Variants in AARS1 observed in about 807,000 individuals in gnomAD.
AARS1 encodes the protein alanine--tRNA ligase, cytoplasmic.
In AARS1, 72 loss-of-function variants were observed where a neutral mutation model predicts 108.9. That is an observed-to-expected ratio of 0.66 (90% CI 0.55 to 0.80). AARS1 has a LOEUF of 0.80. Ranked by LOEUF, AARS1 falls within the 30% of genes least tolerant of loss-of-function variation. The probability of loss-of-function intolerance (pLI) is 0.00; values close to 1 mark genes in which losing one functional copy is unlikely to be tolerated. For missense variants in AARS1, 1,193 were observed against 1,233.2 expected, an observed-to-expected ratio of 0.97 and a Z score of 0.49; for synonymous variants, 489 against 465.7, an observed-to-expected ratio of 1.05 and a Z score of -0.64.
intron 1 of AARS1, among the ~76,000 whole-genome samples, chr16:70,283,816 A>C (rs1255219643): frequency 6.6e-6 from 1 of 152,164 alleles, no homozygotes; most frequent in East Asian, 1.9e-4. Flanking sequence ...CCATTAGATT[A>C]CCAGGGAGTG....
chr16:70,277,045 A>G lies in AARS1; in HGVS notation c.254T>C (p.Leu85Pro). Residue 85 changes from leucine (L) to proline (P), a missense_variant, in exon 3 of 21, where the codon CTG becomes CCG. Physicochemically the swap from Leu to Pro is moderately conservative, Grantham distance 98. Transcript: ENST00000261772. ...CIRAGGKHND[L>P]DDVGKDVYHH... ...ATAGACATCCTTGCCCACATCGTCC[A>G]GGTCATTATGTTTGCCCCCAGCCCG... 6.2e-7 allele frequency: 1 copy of G among 1,614,188 alleles called. No individual in the cohort carries two copies. Among genetic ancestry groups the G allele is most frequent in the Non-Finnish European group, 8.5e-7 (1 of 1,180,046 alleles).
chr16:70,287,523 A>G (rs1285539346), intron 1 of AARS1, among the ~76,000 whole-genome samples: 1 of 150,914 alleles, frequency 6.6e-6, no homozygotes, highest in African/African-American at 2.4e-5. Flanking sequence ...GGATTGCTTG[A>G]GGCCAGGAAT....
intron 11 of AARS1, among the ~76,000 whole-genome samples, chr16:70,263,429 G>A (rs906329084): frequency 1.3e-5 from 2 of 152,040 alleles, no homozygotes; most frequent in Non-Finnish European, 2.9e-5. Context: ...AAATTAGCCA[G>A]GTGTGGTGGC....
intron 15 of AARS1, among the ~76,000 whole-genome samples, chr16:70,256,869 C>A (rs1960004719): frequency 6.6e-6 from 1 of 151,820 alleles, no homozygotes. Flanking sequence ...AATCTCAGCA[C>A]TTTGGGAGGC....
At chr16:70,253,182 T>A (rs927419172) in intron 20 of AARS1, 86 bp downstream of exon 20, 83 of 1,174,998 alleles carry the variant, frequency 7.1e-5, no homozygotes, top group Admixed American at 2.9e-4. Context: ...GCAGAAAGGC[T>A]GTTTCGAATG....
chr16:70,287,858 C>T (rs1171856410), intron 1 of AARS1, among the ~76,000 whole-genome samples: 2 of 152,092 alleles, frequency 1.3e-5, no homozygotes, highest in African/African-American at 4.8e-5. Context: ...CTCCACCTCC[C>T]GGCTTCAAGC....
intron 1 of AARS1, among the ~76,000 whole-genome samples, chr16:70,289,067 A>T (rs1401159841): frequency 6.6e-6 from 1 of 152,070 alleles, no homozygotes; most frequent in Non-Finnish European, 1.5e-5. Context: ...CTGTTTAGTT[A>T]ATTTTAAGAA....
At position 70,259,010 on chromosome 16, in the gene AARS1, C is replaced by T. The variant is rs1291557995; in HGVS notation, c.1962G>A (p.Glu654=). ...CTGCCTCAATCATCTCATTAGCAAT[C>T]TCTTCAGCCTTCTTGATCTGTTGGG... The part of the protein sequence containing the change: ...MSTQQIKKAE[E]IANEMIEAAK... Residue 654 remains glutamate, a synonymous_variant, in exon 14 of 21, where the codon GAG becomes GAA. Transcript: ENST00000261772. 1 of 1,614,116 alleles carries T rather than the reference C, an allele frequency of 6.2e-7. No homozygotes were observed. Among genetic ancestry groups the T allele is most frequent in the African/African-American group, 1.3e-5 (1 of 74,948 alleles).
At chr16:70,272,341 C>G (rs1402134720) in intron 4 of AARS1, among the ~76,000 whole-genome samples, 1 of 151,330 alleles carries the variant, frequency 6.6e-6, no homozygotes, top group Admixed American at 6.6e-5. Context: ...CTTGTCTCTA[C>G]TAAAAATACA....
chr16:70,259,624 A>G (rs1960085911), intron 13 of AARS1, among the ~76,000 whole-genome samples: 1 of 152,054 alleles, frequency 6.6e-6, no homozygotes, highest in South Asian at 2.1e-4. Flanking sequence ...CTGGGACTAC[A>G]GGCACACACC....
chr16:70,252,633 A>T lies in AARS1; in HGVS notation c.*88T>A. On this transcript the variant is annotated 3_prime_UTR_variant, in exon 21 of 21. Coordinates refer to ENST00000261772, the MANE Select transcript of AARS1 (RefSeq NM_001605.3). Reference sequence around the variant, plus strand: ...ACTGCTGGGTTAGGAGGGGCTCTTTAAAGGTCCCAAGATTCAAATGTTCTT... The same window carrying T: ...ACTGCTGGGTTAGGAGGGGCTCTTTTAAGGTCCCAAGATTCAAATGTTCTT... 6.7e-7 allele frequency: 1 copy of T among 1,482,590 alleles called. No individual in the cohort carries two copies. Among genetic ancestry groups the T allele is most frequent in the Non-Finnish European group, 9.4e-7 (1 of 1,067,698 alleles). 91.8% of individuals were successfully genotyped at this position (1,482,590 alleles called of 1,614,324 possible).
chr16:70,285,853 C>A (rs921495271), intron 1 of AARS1, among the ~76,000 whole-genome samples: 1 of 152,192 alleles, frequency 6.6e-6, no homozygotes, highest in African/African-American at 2.4e-5. Flanking sequence ...AGCCACCATG[C>A]CCAGCCAAAG....
rs371595834 is a variant in AARS1, at chr16:70,271,855, G to A, written c.597C>T (p.Asp199=). 4.7e-5 allele frequency: 76 copies of A among 1,613,892 alleles called. No individual in the cohort carries two copies. Among genetic ancestry groups the A allele is most frequent in the South Asian group, 6.6e-5 (6 of 91,076 alleles). Residue 199 remains aspartate (D), a synonymous_variant, in exon 5 of 21, where the codon GAC becomes GAT. Coordinates refer to ENST00000261772, the MANE Select transcript of AARS1 (RefSeq NM_001605.3). ...CGTCCTGGTTGACAAGATGTGCGGC[G>A]TCCCGACCACCAATCCGGTCGTAGT... ...EIHYDRIGGR[D]AAHLVNQDDP...
At chr16:70,274,637 T>A (rs912371940) in intron 4 of AARS1, among the ~76,000 whole-genome samples, 2 of 151,364 alleles carry the variant, frequency 1.3e-5, no homozygotes, top group Admixed American at 6.6e-5. Flanking sequence ...GGCAGGAGAA[T>A]TGCTTGAACC....
rs199997425 is a variant in AARS1, at chr16:70,271,955, A to C, written c.497T>G (p.Ile166Ser). The C allele has an allele frequency of 1.3e-4, 214 of 1,613,838 alleles. No homozygotes were observed. Among genetic ancestry groups the C allele is most frequent in the Non-Finnish European group, 1.7e-4 (203 of 1,180,006 alleles). ...GTTATCCTTCATGTTGCCTGGGAGG[A>C]TTTTGGTGTCATCCAGCCTGACAAA... The part of the protein sequence containing the change: ...WQNLGLDDTK[I>S]LPGNMKDNFW... The change falls in exon 5 of 21, where the codon ATC becomes AGC. Residue 166 changes from isoleucine (I) to serine (S), a missense_variant. By Grantham distance (142) the Ile-to-Ser change is moderately radical (BLOSUM62 -2). Transcript: ENST00000261772.
chr16:70,277,655 T>C (rs1960581659), intron 2 of AARS1, among the ~76,000 whole-genome samples: 1 of 152,176 alleles, frequency 6.6e-6, no homozygotes, highest in Non-Finnish European at 1.5e-5. Flanking sequence ...TGAGGATGTA[T>C]CAGGTCATGC....
In AARS1 at chr16:70,269,348, A is replaced by C. The variant is rs1410777419; in HGVS notation, c.962+270T>G. On this transcript the variant is annotated intron_variant, in intron 7 of 20. Coordinates refer to ENST00000261772, the MANE Select transcript of AARS1 (RefSeq NM_001605.3). ...AAAAAAAAAAAAAAAAAAAAAAAAA[A>C]AAAAAAAAAAAACAACCGTCTCTAC... is the stretch of plus-strand genomic sequence containing the variant. Among the ~76,000 whole-genome samples, 11 of 96,552 alleles carry C rather than the reference A, an allele frequency of 1.1e-4. No homozygotes were observed. The South Asian group carries it at 2.3e-3, about 21-fold the overall frequency. 63.3% of individuals were successfully genotyped at this position (96,552 alleles called of 152,430 possible). A position where few individuals can be genotyped will look rare whatever the true frequency, so the allele number is the denominator to read the frequency against.
chr16:70,253,498 T>A (rs1204667529), intron 19 of AARS1, 117 bp from the exon 20 acceptor site: 1 of 1,070,042 alleles, frequency 9.3e-7, no homozygotes, highest in African/African-American at 1.6e-5. Context: ...GAGCAGGGGC[T>A]GTGCCCAGGG....
At chr16:70,259,825 T>C (rs971785624) in intron 13 of AARS1, among the ~76,000 whole-genome samples, 4 of 151,720 alleles carry the variant, frequency 2.6e-5, no homozygotes, top group Admixed American at 1.3e-4. Context: ...CAGTCTGGAG[T>C]GCTATGGCAT....
Sources: gnomAD v4.1 joint callset for allele counts (sites outside exome capture counted in the v4.1 genomes callset) on GRCh38, gnomAD v4.1.1 for gene constraint, MANE v1.5 for transcripts, NCBI Gene and HGNC (gene_info 2026-07-23, HGNC 2026-07-21) for gene names.